Variants in CSMD3 observed in about 807,000 individuals in gnomAD.
The protein encoded by CSMD3 is CUB and Sushi multiple domains 3.
A neutral mutation model predicts 435.2 loss-of-function variants in CSMD3; 177 were observed. The observed-to-expected ratio is 0.41, with a 90% CI of 0.36 to 0.46. CSMD3 has a LOEUF of 0.46. Among genes scored for constraint, CSMD3 ranks in the 20% least tolerant of loss-of-function variants. The probability of loss-of-function intolerance (pLI) is 0.34; values close to 1 mark genes in which losing one functional copy is unlikely to be tolerated. For missense variants in CSMD3, 4,265 were observed against 4,504.6 expected (o/e 0.95, Z 1.52); for synonymous variants, 1,656 against 1,520.5 (o/e 1.09, Z -2.07).
intron 27 of CSMD3, among the ~76,000 whole-genome samples, chr8:112,523,411 C>T (rs1328605012): frequency 1.3e-5 from 2 of 151,906 alleles, no homozygotes; most frequent in Non-Finnish European, 2.9e-5. Flanking sequence ...CTTTAATATG[C>T]TCTGTATAGG....
At chr8:112,818,095 A>AT (rs957740960) in intron 12 of CSMD3, among the ~76,000 whole-genome samples, 3 of 151,644 alleles carry the variant, frequency 2.0e-5, no homozygotes, top group African/African-American at 7.3e-5. Context: ...TTTATGAACT[A>AT]TTTTTTTATG....
chr8:112,617,115 G>A (rs1265165915), intron 22 of CSMD3, among the ~76,000 whole-genome samples: 1 of 152,140 alleles, frequency 6.6e-6, no homozygotes, highest in Non-Finnish European at 1.5e-5. Flanking sequence ...TCATTGGATA[G>A]TGGAGCTGTT....
chr8:113,345,175 A>C lies in CSMD3; in HGVS notation c.179-30382T>G, dbSNP rs2094144098. 7.2e-5 allele frequency among the ~76,000 whole-genome samples: 11 copies of C among 152,114 alleles called. No homozygotes were observed. The South Asian group carries it at 2.3e-3, about 31-fold the overall frequency. On this transcript the variant is annotated intron_variant, in intron 1 of 70. Transcript: ENST00000297405. Reference sequence around the variant, plus strand: ...GTATTACTATTTGTAAGTACTGATAAATATTCAAACAAAGGATAAGTCTAT... The same window carrying C: ...GTATTACTATTTGTAAGTACTGATACATATTCAAACAAAGGATAAGTCTAT...
chr8:112,318,195 A>T (rs1267117499), intron 47 of CSMD3, among the ~76,000 whole-genome samples: 1 of 151,880 alleles, frequency 6.6e-6, no homozygotes, highest in Admixed American at 6.6e-5. Context: ...CCAGAATAAG[A>T]CTCATTGTCA....
intron 70 of CSMD3, among the ~76,000 whole-genome samples, chr8:112,226,166 T>C (rs1344743412): frequency 3.3e-5 from 5 of 152,306 alleles, no homozygotes; most frequent in South Asian, 2.1e-4. Context: ...ATTTCTACGA[T>C]AATAATTGTA....
intron 10 of CSMD3, among the ~76,000 whole-genome samples, chr8:112,891,940 C>A (rs1254472287): frequency 1.3e-5 from 2 of 151,258 alleles, no homozygotes; most frequent in Non-Finnish European, 3.0e-5. Flanking sequence ...AATGTGTTAT[C>A]TTCAGGGCAG....
chr8:113,232,065 A>G (rs1588327499), intron 3 of CSMD3, among the ~76,000 whole-genome samples: 1 of 151,546 alleles, frequency 6.6e-6, no homozygotes, highest in East Asian at 1.9e-4. Context: ...CAAAGAATTT[A>G]TACCCTTGAA....
chr8:113,417,725 C>T (rs2094588575), intron 1 of CSMD3, among the ~76,000 whole-genome samples: 1 of 151,866 alleles, frequency 6.6e-6, no homozygotes, highest in Non-Finnish European at 1.5e-5. Context: ...TTCAGAAATA[C>T]AAGCAAGTCT....
At position 113,122,066 on chromosome 8, in the gene CSMD3, A is replaced by T. The variant is rs553908326; in HGVS notation, c.710-23103T>A. On this transcript the variant is annotated intron_variant, in intron 4 of 70. Coordinates refer to ENST00000297405, the MANE Select transcript of CSMD3 (RefSeq NM_198123.2). ...CAAGAAAATACATCATTTCAAATGAAGTACCTATTATACCAATTGTGTGGT... is the reference window on the plus strand; with the variant it reads ...CAAGAAAATACATCATTTCAAATGATGTACCTATTATACCAATTGTGTGGT... 4.3e-4 allele frequency among the ~76,000 whole-genome samples: 66 copies of T among 152,238 alleles called. No homozygotes were observed. In the South Asian group the frequency reaches 0.013, roughly 31 times the overall value.
intron 45 of CSMD3, among the ~76,000 whole-genome samples, chr8:112,330,734 C>T (rs1492674): frequency 0.49 from 74,593 of 151,848 alleles, 18,606 homozygotes; most frequent in Middle Eastern, 0.57. Context: ...TGACCCATCA[C>T]ATTGCTAAAA....
intron 13 of CSMD3, among the ~76,000 whole-genome samples, chr8:112,708,005 A>G (rs1241667202): frequency 6.6e-6 from 1 of 152,110 alleles, no homozygotes; most frequent in Non-Finnish European, 1.5e-5. Context: ...ATATAAAGAA[A>G]ATTATTAGTT....
intron 10 of CSMD3, among the ~76,000 whole-genome samples, chr8:112,911,222 A>G (rs2082402128): frequency 6.6e-6 from 1 of 151,710 alleles, no homozygotes; most frequent in African/African-American, 2.4e-5. Context: ...ACCATATGAC[A>G]TCTTCCTTCT....
At chr8:113,144,595 ATT>A (rs36056665) in intron 4 of CSMD3, among the ~76,000 whole-genome samples, 2 of 150,504 alleles carry the variant, frequency 1.3e-5, no homozygotes, top group Non-Finnish European at 3.0e-5. Context: ...CTTCAAATAC[ATT>A]TTTTTTTCTT....
intron 11 of CSMD3, among the ~76,000 whole-genome samples, chr8:112,831,237 G>C (rs995959629): frequency 1.3e-5 from 2 of 151,650 alleles, no homozygotes. Context: ...AAAAATATGT[G>C]TATTTGTTCC....
intron 4 of CSMD3, among the ~76,000 whole-genome samples, chr8:113,107,201 T>C (rs1332689036): frequency 6.6e-6 from 1 of 152,120 alleles, no homozygotes; most frequent in African/African-American, 2.4e-5. Context: ...ACAGAAGTGG[T>C]GGTGGTGGCA....
intron 9 of CSMD3, among the ~76,000 whole-genome samples, chr8:112,928,513 C>A (rs2082986654): frequency 6.6e-6 from 1 of 152,088 alleles, no homozygotes; most frequent in Non-Finnish European, 1.5e-5. Context: ...GTTCAATTCC[C>A]ACCTATGAGT....
chr8:112,870,442 GC>G (rs978870201), intron 10 of CSMD3, among the ~76,000 whole-genome samples: 1 of 149,050 alleles, frequency 6.7e-6, no homozygotes, highest in Non-Finnish European at 1.5e-5. Context: ...CTAATTTTTT[GC>G]ATTTTTTTTT....
At chr8:113,342,443 A>T (rs1588557100) in intron 1 of CSMD3, among the ~76,000 whole-genome samples, 1 of 152,200 alleles carries the variant, frequency 6.6e-6, no homozygotes, top group East Asian at 1.9e-4. Flanking sequence ...ATTATTGTAA[A>T]GATAAAGAAA....
chr8:113,325,711 A>T (rs1410077418), intron 1 of CSMD3, among the ~76,000 whole-genome samples: 2 of 152,114 alleles, frequency 1.3e-5, no homozygotes, highest in African/African-American at 2.4e-5. Context: ...AAAGTATTGG[A>T]ATGCAGTGCC....
Sources: gnomAD v4.1 joint callset for allele counts (sites outside exome capture counted in the v4.1 genomes callset) on GRCh38, gnomAD v4.1.1 for gene constraint, MANE v1.5 for transcripts, NCBI Gene and HGNC (gene_info 2026-07-23, HGNC 2026-07-21) for gene names.